The following PAK1IP1 variants were observed in gnomAD, a reference collection of about 807,000 sequenced individuals.
The protein encoded by PAK1IP1 is p21-activated protein kinase-interacting protein 1.
In PAK1IP1, 24 loss-of-function variants were observed where a neutral mutation model predicts 42.0. That is an observed-to-expected ratio of 0.57 (90% CI 0.41 to 0.80). The LOEUF (loss-of-function observed/expected upper bound fraction) is 0.80. Among genes scored for constraint, PAK1IP1 ranks in the 30% least tolerant of loss-of-function variants. The pLI is 0.00. For missense variants in PAK1IP1, 411 were observed against 467.9 expected (o/e 0.88, Z 1.12); for synonymous variants, 154 against 156.7 (o/e 0.98, Z 0.13).
chr6:10,703,776 G>A (rs545635453), intron 5 of PAK1IP1, among the ~76,000 whole-genome samples: 1 of 152,198 alleles, frequency 6.6e-6, no homozygotes, highest in East Asian at 1.9e-4. Context: ...AATCGTTCTG[G>A]TCCCAAGCAT....
chr6:10,703,524 C>G, intron 5 of PAK1IP1, 67 bp downstream of exon 5: 1 of 1,237,040 alleles, frequency 8.1e-7, no homozygotes, highest in Non-Finnish European at 1.2e-6. Context: ...GCTCCAAAAT[C>G]TGAAACTTTT....
At chr6:10,694,967 G>A (rs1769746180), upstream of PAK1IP1, 1 of 1,561,944 alleles carries the variant, frequency 6.4e-7, no homozygotes, top group Non-Finnish European at 8.7e-7. Flanking sequence ...GCTGGCGGAA[G>A]AGGCACGTGC....
chr6:10,692,464 A>G (rs1769411414), upstream of PAK1IP1, among the ~76,000 whole-genome samples: 1 of 151,884 alleles, frequency 6.6e-6, no homozygotes, highest in African/African-American at 2.4e-5. Flanking sequence ...TTTTTTTTTG[A>G]GACAGTCTCA....
chr6:10,700,131 T>C (rs1434686298), intron 2 of PAK1IP1, among the ~76,000 whole-genome samples: 1 of 152,126 alleles, frequency 6.6e-6, no homozygotes, highest in African/African-American at 2.4e-5. Flanking sequence ...CGATCTCGGC[T>C]CACTGCAGCT....
rs1329942536 is a variant in PAK1IP1 at position 10,709,574 on chromosome 6, T to A, written c.*122T>A. 2 of 458,496 alleles carry A rather than the reference T, an allele frequency of 4.4e-6. No homozygotes were observed. The highest frequency in any genetic ancestry group is 3.6e-6 in the Non-Finnish European group (1 of 278,574). 28.4% of individuals were successfully genotyped at this position (458,496 alleles called of 1,614,324 possible). On this transcript the variant is annotated 3_prime_UTR_variant, in exon 10 of 10. Coordinates refer to ENST00000379568, the MANE Select transcript of PAK1IP1 (RefSeq NM_017906.3). Reference sequence around the variant, plus strand: ...TCTTCCTTTGGAAAAAATATATATATTAAAAAACCACTTTTAGATGGTTTT... The same window carrying A: ...TCTTCCTTTGGAAAAAATATATATAATAAAAAACCACTTTTAGATGGTTTT...
At chr6:10,694,925 T>C (rs7745856), upstream of PAK1IP1, 20,368 of 910,498 alleles carry the variant, frequency 0.022, 1,804 homozygotes, top group African/African-American at 0.25. Context: ...TTTTTTTTGG[T>C]TTCCGGTTCT....
upstream of PAK1IP1, among the ~76,000 whole-genome samples, chr6:10,693,824 G>A (rs1433602309): frequency 6.6e-6 from 1 of 152,164 alleles, no homozygotes; most frequent in Non-Finnish European, 1.5e-5. Context: ...GACCTCCTGG[G>A]CTCAAGCAAT....
chr6:10,698,158 G>A lies in PAK1IP1; in HGVS notation c.247+672G>A, dbSNP rs575497785. Among the ~76,000 whole-genome samples, 23 of 152,330 alleles carry A rather than the reference G, an allele frequency of 1.5e-4. No individual in the cohort carries two copies. The East Asian group carries it at 4.4e-3, about 29-fold the overall frequency. Reference sequence around the variant, plus strand: ...TCTGACTTTATTGAGGGCATATTATGTACCCCTCTGTGTGCCAAGAAAGTA... The same window carrying A: ...TCTGACTTTATTGAGGGCATATTATATACCCCTCTGTGTGCCAAGAAAGTA... On this transcript the variant is annotated intron_variant, in intron 2 of 9. Coordinates refer to ENST00000379568, the MANE Select transcript of PAK1IP1 (RefSeq NM_017906.3).
At chr6:10,698,986 G>T (rs994893291) in intron 2 of PAK1IP1, among the ~76,000 whole-genome samples, 1 of 152,068 alleles carries the variant, frequency 6.6e-6, no homozygotes, top group African/African-American at 2.4e-5. Context: ...CGAGCGTGAG[G>T]TCAGGAGATT....
chr6:10,696,684 TGCAATCCCA>T (rs1346379545), intron 1 of PAK1IP1, among the ~76,000 whole-genome samples: 1 of 152,224 alleles, frequency 6.6e-6, no homozygotes, highest in African/African-American at 2.4e-5. Context: ...GGCTCATGCC[TGCAATCCCA>T]GCACTTTGGG....
chr6:10,708,989 A>G lies in PAK1IP1; in HGVS notation c.877A>G (p.Asn293Asp). 1 of 1,612,006 alleles carries G rather than the reference A, an allele frequency of 6.2e-7. No individual in the cohort carries two copies. Among genetic ancestry groups the G allele is most frequent in the Non-Finnish European group, 8.5e-7 (1 of 1,178,112 alleles). The change falls in exon 9 of 10, where the codon AAT becomes GAT. Residue 293 changes from asparagine to aspartate, a missense_variant. Coordinates refer to ENST00000379568, the MANE Select transcript of PAK1IP1 (RefSeq NM_017906.3). ...ATCTTTACTCTGTGAAATAAACACT[A>G]ATGCCAGGCTGACGTGTCTTGGAGT... ...PPSLLCEINT[N>D]ARLTCLGVWL...
At chr6:10,704,358 A>T (rs2127480854) in intron 5 of PAK1IP1, 149 bp from the exon 6 acceptor site, 1 of 596,804 alleles carries the variant, frequency 1.7e-6, no homozygotes, top group Non-Finnish European at 2.9e-6. Flanking sequence ...ATTATTTTCT[A>T]AAAAACTTGA....
rs942527243 is a variant in PAK1IP1 at position 10,706,962 on chromosome 6, A to C, written c.741-453A>C. Among the ~76,000 whole-genome samples, 5 of 152,144 alleles carry C rather than the reference A, an allele frequency of 3.3e-5. No homozygotes were observed. In the South Asian group the frequency reaches 1.0e-3, roughly 31 times the overall value. On this transcript the variant is annotated intron_variant, in intron 7 of 9. Coordinates refer to ENST00000379568, the MANE Select transcript of PAK1IP1 (RefSeq NM_017906.3). Reference sequence around the variant, plus strand: ...CAAAAAAGAAGCAGAAAGGCCAATCAGGCTACTTCTGTGATCCAGAGGAAA... The same window carrying C: ...CAAAAAAGAAGCAGAAAGGCCAATCCGGCTACTTCTGTGATCCAGAGGAAA...
At chr6:10,694,050 G>A (rs1369283822), upstream of PAK1IP1, among the ~76,000 whole-genome samples, 1 of 151,980 alleles carries the variant, frequency 6.6e-6, no homozygotes, top group Non-Finnish European at 1.5e-5. Context: ...ACCTGCGGTC[G>A]GGAGTTCAAA....
chr6:10,692,273 T>C (rs1432897688), upstream of PAK1IP1, among the ~76,000 whole-genome samples: 1 of 152,236 alleles, frequency 6.6e-6, no homozygotes, highest in African/African-American at 2.4e-5. Flanking sequence ...ACTTACAATG[T>C]CCTGCTTACT....
At chr6:10,699,180 G>A (rs557592077) in intron 2 of PAK1IP1, among the ~76,000 whole-genome samples, 9 of 131,082 alleles carry the variant, frequency 6.9e-5, no homozygotes, top group African/African-American at 1.8e-4. Flanking sequence ...TAGCCTAGGC[G>A]ACAGAGCGAG....
upstream of PAK1IP1, among the ~76,000 whole-genome samples, chr6:10,692,210 ATATGT>A (rs1207434059): frequency 6.6e-6 from 1 of 152,118 alleles, no homozygotes; most frequent in Non-Finnish European, 1.5e-5. Flanking sequence ...AAATAAACAG[ATATGT>A]TGTGGAGTAA....
rs545502689 is a variant in PAK1IP1 at position 10,709,607 on chromosome 6, A to T, written c.*155A>T. 1.2e-4 allele frequency: 49 copies of T among 422,032 alleles called. No homozygotes were observed. The highest frequency in any genetic ancestry group is 6.4e-4 in the African/African-American group (28 of 43,590). The allele number at this position is 422,032 out of a possible 1,614,324, so 26.1% of individuals were successfully genotyped here. The stretch of plus-strand genomic sequence containing the variant: ...CCACTTTTAGATGGTTTTTTTTAAA[A>T]AAAAAAAAAAAACTGGTAAAATTAC... On this transcript the variant is annotated 3_prime_UTR_variant, in exon 10 of 10. Coordinates refer to ENST00000379568, the MANE Select transcript of PAK1IP1 (RefSeq NM_017906.3).
In PAK1IP1 at chr6:10,702,646, C is replaced by A; in HGVS notation, c.443+7C>A. 1.9e-6 allele frequency: 3 copies of A among 1,582,186 alleles called. No individual in the cohort carries two copies. Among genetic ancestry groups the A allele is most frequent in the South Asian group, 2.2e-5 (2 of 90,390 alleles). ...GTACAGATAAAACTTTAAGGTAAGT[C>A]ATTAATGCTCAAGAGCATTTATCTA... On this transcript the variant is annotated splice_region_variant and intron_variant, in intron 4 of 9. Transcript: ENST00000379568.
Sources: gnomAD v4.1 joint callset for allele counts (sites outside exome capture counted in the v4.1 genomes callset) on GRCh38, gnomAD v4.1.1 for gene constraint, MANE v1.5 for transcripts, NCBI Gene and HGNC (gene_info 2026-07-23, HGNC 2026-07-21) for gene names.